Variants in RERE observed in about 807,000 individuals in gnomAD.
RERE encodes arginine-glutamic acid dipeptide repeats.
A neutral mutation model predicts 146.1 loss-of-function variants in RERE; 40 were observed. The observed-to-expected ratio is 0.27, with a 90% CI of 0.21 to 0.36. RERE has a LOEUF of 0.36. Among genes scored for constraint, RERE ranks in the 10% least tolerant of loss-of-function variants. The pLI, the probability that RERE is intolerant of heterozygous loss-of-function variation, is 1.00. For synonymous variants in RERE, 1,003 were observed against 866.0 expected (o/e 1.16, Z -2.78); for missense variants, 1,933 against 2,138.7 (o/e 0.90, Z 1.90).
intron 2 of RERE, among the ~76,000 whole-genome samples, chr1:8,629,537 G>T (rs1647011188): frequency 6.6e-6 from 1 of 152,102 alleles, no homozygotes; most frequent in African/African-American, 2.4e-5. Flanking sequence ...AAATCAGCAG[G>T]TTTATGTAAA....
intron 10 of RERE, among the ~76,000 whole-genome samples, chr1:8,489,918 C>A (rs542713692): frequency 6.6e-6 from 1 of 151,754 alleles, no homozygotes; most frequent in East Asian, 1.9e-4. Context: ...GGCGTGGTGG[C>A]GAGTGCCTGT....
At chr1:8,585,591 A>T (rs2124080019) in intron 4 of RERE, among the ~76,000 whole-genome samples, 1 of 152,372 alleles carries the variant, frequency 6.6e-6, no homozygotes, top group African/African-American at 2.4e-5. Context: ...ACTATCAAAG[A>T]TTCCCAGGAT....
chr1:8,809,063 G>T (rs560747277), intron 1 of RERE, among the ~76,000 whole-genome samples: 9 of 151,016 alleles, frequency 6.0e-5, no homozygotes, highest in Admixed American at 5.9e-4. Flanking sequence ...GTGTGAACCC[G>T]GGAGGCAGAG....
chr1:8,497,817 CATAAA>C (rs1225965789), intron 8 of RERE, among the ~76,000 whole-genome samples: 4 of 152,146 alleles, frequency 2.6e-5, no homozygotes, highest in East Asian at 3.9e-4. Flanking sequence ...CACACATATG[CATAAA>C]ATAAACAAAA....
intron 4 of RERE, 103 bp from the exon 5 acceptor site, chr1:8,557,626 A>G: frequency 2.8e-6 from 2 of 725,778 alleles, no homozygotes; most frequent in South Asian, 1.5e-5. Context: ...GGACACGTAG[A>G]TAGGGAGAGA....
chr1:8,422,285 A>G (rs1191156413), intron 12 of RERE, among the ~76,000 whole-genome samples: 1 of 152,246 alleles, frequency 6.6e-6, no homozygotes. Flanking sequence ...GCAACATTGA[A>G]AAATGGAAAA....
chr1:8,773,461 A>G (rs561163402), intron 1 of RERE, among the ~76,000 whole-genome samples: 1 of 152,282 alleles, frequency 6.6e-6, no homozygotes, highest in South Asian at 2.1e-4. Context: ...TGGGAGGCCA[A>G]GGTGCGCCAA....
In RERE at chr1:8,358,635, G is replaced by C. The variant is rs748840495; in HGVS notation, c.3900C>G (p.Arg1300=). Residue 1300 remains arginine, a synonymous_variant, in exon 20 of 23, where the codon CGC becomes CGG. Coordinates refer to ENST00000400908, the MANE Select transcript of RERE (RefSeq NM_001042681.2). ...TCTCCCGCTCCCGGAGCTCCCGCTC[G>C]CGGATGGTGGGGTCGACGTTGTAGA... ...PGLYNVDPTI[R]ERELREREIR... 6.3e-7 allele frequency: 1 copy of C among 1,586,576 alleles called. No individual in the cohort carries two copies. Among genetic ancestry groups the C allele is most frequent in the Non-Finnish European group, 8.6e-7 (1 of 1,166,906 alleles).
At chr1:8,540,207 T>C (rs1292200593) in intron 7 of RERE, among the ~76,000 whole-genome samples, 1 of 152,178 alleles carries the variant, frequency 6.6e-6, no homozygotes, top group Non-Finnish European at 1.5e-5. Flanking sequence ...GCAATCCTCC[T>C]GCCTCAGCTT....
intron 8 of RERE, 51 bp from the exon 9 acceptor site, chr1:8,497,580 A>G (rs1645062232): frequency 6.2e-7 from 1 of 1,601,610 alleles, no homozygotes; most frequent in African/African-American, 1.3e-5. Flanking sequence ...TTAATTATAA[A>G]GAGCTATCTC....
chr1:8,455,709 T>G (rs17032612), intron 11 of RERE, among the ~76,000 whole-genome samples: 12,897 of 152,130 alleles, frequency 0.085, 1,874 homozygotes, highest in African/African-American at 0.3. Context: ...GATATTTTCT[T>G]ATTATCAATC....
At chr1:8,743,844 C>T (rs572091036) in intron 1 of RERE, among the ~76,000 whole-genome samples, 1 of 152,086 alleles carries the variant, frequency 6.6e-6, no homozygotes, top group Non-Finnish European at 1.5e-5. Flanking sequence ...TGCCATTTCC[C>T]CTGTGCCTGC....
intron 1 of RERE, among the ~76,000 whole-genome samples, chr1:8,745,755 CTT>C (rs1206086853): frequency 6.6e-6 from 1 of 152,170 alleles, no homozygotes; most frequent in Non-Finnish European, 1.5e-5. Context: ...CATATATTCC[CTT>C]TCTTTTCTGT....
intron 2 of RERE, among the ~76,000 whole-genome samples, chr1:8,650,574 C>G (rs1647562013): frequency 6.6e-6 from 1 of 151,862 alleles, no homozygotes; most frequent in African/African-American, 2.4e-5. Context: ...ACCAGCCTAG[C>G]CAATGTGGTA....
At chr1:8,390,287 ATCT>A (rs1181235540) in intron 12 of RERE, among the ~76,000 whole-genome samples, 2 of 152,158 alleles carry the variant, frequency 1.3e-5, no homozygotes, top group East Asian at 1.9e-4. Context: ...CCTTTGGCAC[ATCT>A]TCTGGCCAGT....
intron 1 of RERE, among the ~76,000 whole-genome samples, chr1:8,793,127 A>G (rs888695916): frequency 2.1e-5 from 3 of 143,108 alleles, no homozygotes; most frequent in African/African-American, 7.8e-5. Context: ...ACTGCACTCC[A>G]GCCTGGGAGA....
At chr1:8,659,860 T>A (rs1443663014) in intron 1 of RERE, among the ~76,000 whole-genome samples, 1 of 152,148 alleles carries the variant, frequency 6.6e-6, no homozygotes, top group East Asian at 1.9e-4. Flanking sequence ...CACTACAAAA[T>A]CATACACTGT....
At chr1:8,678,393 C>A (rs957483133) in intron 1 of RERE, among the ~76,000 whole-genome samples, 36 of 151,922 alleles carry the variant, frequency 2.4e-4, no homozygotes, top group African/African-American at 8.0e-4. Flanking sequence ...CGCCTATAAT[C>A]CTAGCATTTT....
intron 7 of RERE, chr1:8,525,685 T>C (rs1177776082): frequency 1.2e-5 from 18 of 1,448,986 alleles, no homozygotes; most frequent in Non-Finnish European, 1.7e-5. Context: ...AAATGATTCA[T>C]AAACACCTTC....
Sources: allele counts gnomAD v4.1 joint callset (sites outside exome capture counted in the v4.1 genomes callset), GRCh38; gene constraint gnomAD v4.1.1; transcripts MANE v1.5; gene names NCBI Gene and HGNC (gene_info 2026-07-23, HGNC 2026-07-21).